Variants in SLC2A12 observed in about 807,000 individuals in gnomAD.
SLC2A12 encodes the protein solute carrier family 2 member 12, also known as solute carrier family 2, facilitated glucose transporter member 12.
SLC2A12 carries 23 observed loss-of-function variants against 41.8 expected under a neutral mutation model. That is an observed-to-expected ratio of 0.55 (90% CI 0.40 to 0.78). SLC2A12 has a LOEUF of 0.78. SLC2A12 is among the 30% of genes least tolerant of loss of function. The pLI, the probability that SLC2A12 is intolerant of heterozygous loss-of-function variation, is 0.00. For missense variants in SLC2A12, 654 were observed against 745.6 expected (o/e 0.88, Z 1.43); for synonymous variants, 295 against 285.9 (o/e 1.03, Z -0.32).
intron 4 of SLC2A12, among the ~76,000 whole-genome samples, chr6:134,000,303 AAAGTGT>A (rs1776739974): frequency 6.6e-6 from 1 of 152,202 alleles, no homozygotes; most frequent in Non-Finnish European, 1.5e-5. Context: ...AGACCATCTA[AAAGTGT>A]ATAAAGCACA....
intron 2 of SLC2A12, among the ~76,000 whole-genome samples, chr6:134,017,007 C>T (rs1055413752): frequency 2.6e-5 from 4 of 151,836 alleles, no homozygotes; most frequent in African/African-American, 9.7e-5. Flanking sequence ...AGTTTAAATA[C>T]ATTCAATTAC....
chr6:134,028,964 A>C lies in SLC2A12; in HGVS notation c.861T>G (p.Phe287Leu). Residue 287 changes from phenylalanine to leucine, a missense_variant, in exon 2 of 5, where the codon TTT (phenylalanine) becomes TTG (leucine). This residue lies in a region of SLC2A12 where 411 missense variants were observed against 412.1 expected (regional missense o/e 1.00). Transcript: ENST00000275230. The stretch of plus-strand genomic sequence containing the variant: ...TTGGTTGGCCAGTGATTTGTACAAA[A>C]AATACTAGTGTTAGTCCTATCATTA... ...TRIMIGLTLV[F>L]FVQITGQPNI... The C allele has an allele frequency of 6.2e-7, 1 of 1,614,264 alleles. No individual in the cohort carries two copies. The highest frequency in any genetic ancestry group is 8.5e-7 in the Non-Finnish European group (1 of 1,180,052).
intron 1 of SLC2A12, among the ~76,000 whole-genome samples, chr6:134,041,719 G>C (rs1343875559): frequency 6.6e-6 from 1 of 152,118 alleles, no homozygotes; most frequent in Non-Finnish European, 1.5e-5. Context: ...TATACATTAG[G>C]CTCCCCATTT....
chr6:134,021,925 TG>T (rs1468340575), intron 2 of SLC2A12, among the ~76,000 whole-genome samples: 1 of 152,028 alleles, frequency 6.6e-6, no homozygotes, highest in African/African-American at 2.4e-5. Flanking sequence ...TTGACTTGGG[TG>T]TGGAGCAGTG....
intron 2 of SLC2A12, among the ~76,000 whole-genome samples, chr6:134,010,760 A>G (rs1193428453): frequency 2.6e-5 from 4 of 152,290 alleles, no homozygotes; most frequent in Admixed American, 2.6e-4. Context: ...AGAGTGTCAT[A>G]AAAAGATCAT....
chr6:134,000,188 C>G (rs1331534953), intron 4 of SLC2A12, among the ~76,000 whole-genome samples: 1 of 151,984 alleles, frequency 6.6e-6, no homozygotes, highest in Non-Finnish European at 1.5e-5. Context: ...AAAACAGGGC[C>G]TCATCTGTAT....
intron 2 of SLC2A12, among the ~76,000 whole-genome samples, chr6:134,017,500 G>A (rs1776977040): frequency 6.6e-6 from 1 of 152,210 alleles, no homozygotes; most frequent in Non-Finnish European, 1.5e-5. Context: ...AATGTGAACA[G>A]GGCAGAGTTG....
chr6:134,008,696 T>A (rs1482370377), intron 2 of SLC2A12, among the ~76,000 whole-genome samples: 1 of 152,252 alleles, frequency 6.6e-6, no homozygotes, highest in Non-Finnish European at 1.5e-5. Context: ...GAAGCCTTTG[T>A]AATGAAGACC....
chr6:134,022,566 AAGAAAAG>A (rs1777059073), intron 2 of SLC2A12, among the ~76,000 whole-genome samples: 1 of 85,148 alleles, frequency 1.2e-5, no homozygotes, highest in Non-Finnish European at 2.3e-5. Context: ...AAGAAAAGAA[AAGAAAAG>A]AAAAGAAAAG....
At chr6:134,030,099 CTT>C (rs1777182622) in intron 1 of SLC2A12, among the ~76,000 whole-genome samples, 1 of 152,158 alleles carries the variant, frequency 6.6e-6, no homozygotes, top group Admixed American at 6.5e-5. Flanking sequence ...GAGCCTGACT[CTT>C]TGGTCCCATT....
intron 4 of SLC2A12, among the ~76,000 whole-genome samples, chr6:133,998,016 T>C (rs144583535): frequency 6.4e-4 from 98 of 152,334 alleles, no homozygotes; most frequent in African/African-American, 2.3e-3. Context: ...CAACAGTACC[T>C]TTGGCTTTTG....
chr6:133,993,769 A>AT (rs1776651681), intron 4 of SLC2A12, among the ~76,000 whole-genome samples: 1 of 152,226 alleles, frequency 6.6e-6, no homozygotes, highest in Non-Finnish European at 1.5e-5. Flanking sequence ...GATATCTAGG[A>AT]TAAGAGAATT....
At chr6:134,009,391 G>A (rs560495699) in intron 2 of SLC2A12, among the ~76,000 whole-genome samples, 2 of 152,320 alleles carry the variant, frequency 1.3e-5, no homozygotes, top group East Asian at 1.9e-4. Flanking sequence ...GTTGCTGAAA[G>A]AGTCTACTTC....
At chr6:134,035,939 A>T (rs1054508715) in intron 1 of SLC2A12, among the ~76,000 whole-genome samples, 1 of 152,202 alleles carries the variant, frequency 6.6e-6, no homozygotes, top group Non-Finnish European at 1.5e-5. Context: ...CCACCACCAC[A>T]ATAGCTGCAT....
At chr6:133,992,984 C>T (rs1776642817) in intron 4 of SLC2A12, among the ~76,000 whole-genome samples, 1 of 152,204 alleles carries the variant, frequency 6.6e-6, no homozygotes, top group African/African-American at 2.4e-5. Flanking sequence ...CAGTCAGCTT[C>T]TGTCCTCTCA....
intron 1 of SLC2A12, among the ~76,000 whole-genome samples, chr6:134,043,124 T>A (rs1777405851): frequency 6.6e-6 from 1 of 152,204 alleles, no homozygotes; most frequent in Admixed American, 6.5e-5. Context: ...TTAGTAAAAA[T>A]CTACAAAGAG....
rs376747462 is a variant in SLC2A12, at chr6:133,993,366, G to C, written c.1701-2058C>G. On this transcript the variant is annotated intron_variant, in intron 4 of 4. Coordinates refer to ENST00000275230, the MANE Select transcript of SLC2A12 (RefSeq NM_145176.3). ...TATCTCCAAATCCGAGCTCTATTCTGTCCTGAGCCCTGAAACCTAGTCCTC... is the reference window on the plus strand; with the variant it reads ...TATCTCCAAATCCGAGCTCTATTCTCTCCTGAGCCCTGAAACCTAGTCCTC... 3.3e-4 allele frequency among the ~76,000 whole-genome samples: 50 copies of C among 152,222 alleles called. No individual in the cohort carries two copies. In the South Asian group the frequency reaches 0.01, roughly 32 times the overall value.
intron 1 of SLC2A12, among the ~76,000 whole-genome samples, chr6:134,029,940 A>G (rs974472233): frequency 1.4e-4 from 22 of 152,210 alleles, no homozygotes; most frequent in Non-Finnish European, 2.6e-4. Context: ...GGAGACATGT[A>G]GGAAGTCCAG....
intron 1 of SLC2A12, among the ~76,000 whole-genome samples, chr6:134,032,451 T>TATAA (rs1554208416): frequency 1.2e-3 from 41 of 34,256 alleles, no homozygotes; most frequent in African/African-American, 5.4e-3. Flanking sequence ...TATATATAAA[T>TATAA]ATATATATAT....
Sources: allele counts gnomAD v4.1 joint callset (sites outside exome capture counted in the v4.1 genomes callset), GRCh38; gene constraint gnomAD v4.1.1; regional missense constraint gnomAD v4.1.1; transcripts MANE v1.5; gene names NCBI Gene and HGNC (gene_info 2026-07-23, HGNC 2026-07-21).